Variants in RETREG1 observed in about 807,000 individuals in gnomAD.
RETREG1 encodes reticulophagy regulator 1.
A neutral mutation model predicts 54.8 loss-of-function variants in RETREG1; 44 were observed. The ratio of observed to expected loss-of-function variants is 0.80; its 90% CI spans 0.63 to 1.03. The LOEUF (loss-of-function observed/expected upper bound fraction) is 1.03. Among genes scored for constraint, RETREG1 ranks in the 50% least tolerant of loss-of-function variants. The probability of loss-of-function intolerance (pLI) is 0.00; values close to 1 mark genes in which losing one functional copy is unlikely to be tolerated. For missense variants in RETREG1, 554 were observed against 605.1 expected, an observed-to-expected ratio of 0.92 and a Z score of 0.89; for synonymous variants, 217 against 238.5, an observed-to-expected ratio of 0.91 and a Z score of 0.83.
intron 3 of RETREG1, among the ~76,000 whole-genome samples, chr5:16,539,668 G>A (rs774883708): frequency 3.9e-5 from 6 of 152,108 alleles, no homozygotes; most frequent in Non-Finnish European, 7.4e-5. Context: ...CAACTGTCCC[G>A]GTACCGGGGC....
intron 3 of RETREG1, among the ~76,000 whole-genome samples, chr5:16,491,957 G>C (rs955221649): frequency 6.6e-6 from 1 of 152,094 alleles, no homozygotes; most frequent in Non-Finnish European, 1.5e-5. Flanking sequence ...GATTTCTGCG[G>C]GCAAAACTTG....
chr5:16,606,503 T>A (rs1561137762), intron 1 of RETREG1, among the ~76,000 whole-genome samples: 1 of 152,144 alleles, frequency 6.6e-6, no homozygotes, highest in Admixed American at 6.6e-5. Context: ...ATAATTCACC[T>A]GGTAAGCTAC....
chr5:16,527,888 C>A (rs1489177762), intron 3 of RETREG1, among the ~76,000 whole-genome samples: 1 of 141,468 alleles, frequency 7.1e-6, no homozygotes, highest in Admixed American at 7.5e-5. Flanking sequence ...CGGCTCACTG[C>A]AAGCTCCGCC....
intron 1 of RETREG1, among the ~76,000 whole-genome samples, chr5:16,574,199 G>A: frequency 2.1e-5 from 1 of 47,504 alleles, no homozygotes; most frequent in East Asian, 4.9e-4. Context: ...AAGTAATCTG[G>A]GGTGCCTCAG....
chr5:16,534,745 C>T (rs926024637), intron 3 of RETREG1, among the ~76,000 whole-genome samples: 2 of 152,158 alleles, frequency 1.3e-5, no homozygotes, highest in African/African-American at 2.4e-5. Context: ...AAGAGAAGCC[C>T]CCCTCAGAAT....
chr5:16,590,329 G>T (rs1742730236), intron 1 of RETREG1, among the ~76,000 whole-genome samples: 1 of 152,146 alleles, frequency 6.6e-6, no homozygotes, highest in Non-Finnish European at 1.5e-5. Context: ...AAAGCCCAGA[G>T]GCTACGCACC....
intron 3 of RETREG1, among the ~76,000 whole-genome samples, chr5:16,535,972 C>T (rs1045844940): frequency 1.3e-5 from 2 of 150,090 alleles, no homozygotes; most frequent in Non-Finnish European, 3.0e-5. Flanking sequence ...CCTGTGTGCA[C>T]GCTGCCTTCA....
intron 1 of RETREG1, among the ~76,000 whole-genome samples, chr5:16,611,591 CACACAAAGATTTCT>C (rs1743343713): frequency 6.6e-6 from 1 of 152,218 alleles, no homozygotes; most frequent in Non-Finnish European, 1.5e-5. Flanking sequence ...ACAGACACTT[CACACAAAGATTTCT>C]ACGTGATGTT....
chr5:16,613,928 T>G (rs900700462), intron 1 of RETREG1, among the ~76,000 whole-genome samples: 11 of 152,218 alleles, frequency 7.2e-5, no homozygotes, highest in Non-Finnish European at 1.5e-4. Flanking sequence ...AAACAAAATT[T>G]TAATGACATT....
intron 3 of RETREG1, among the ~76,000 whole-genome samples, chr5:16,538,253 C>A (rs143655760): frequency 1.4e-3 from 214 of 152,288 alleles, no homozygotes; most frequent in African/African-American, 5.0e-3. Flanking sequence ...AAATGAAGAG[C>A]TGGCTTTGGA....
chr5:16,507,709 T>C (rs1579624749), intron 3 of RETREG1, among the ~76,000 whole-genome samples: 1 of 152,310 alleles, frequency 6.6e-6, no homozygotes, highest in Admixed American at 6.5e-5. Context: ...CATATACCCA[T>C]GGCTGAAAGG....
At chr5:16,514,216 A>C (rs1740273208) in intron 3 of RETREG1, among the ~76,000 whole-genome samples, 1 of 152,188 alleles carries the variant, frequency 6.6e-6, no homozygotes, top group Non-Finnish European at 1.5e-5. Flanking sequence ...CCTAGAGCTC[A>C]AGGCTCTCTA....
intron 4 of RETREG1, among the ~76,000 whole-genome samples, chr5:16,482,002 C>T (rs1304589490): frequency 6.6e-6 from 1 of 151,990 alleles, no homozygotes; most frequent in African/African-American, 2.4e-5. Context: ...GGAATACATA[C>T]CTCTGACCAA....
At chr5:16,508,469 T>C (rs1740047690) in intron 3 of RETREG1, 1 of 1,094,692 alleles carries the variant, frequency 9.1e-7, no homozygotes, top group Admixed American at 1.9e-5. Flanking sequence ...GCATTCTTCA[T>C]ATTTTTACAT....
At chr5:16,513,198 A>G (rs1740236004) in intron 3 of RETREG1, among the ~76,000 whole-genome samples, 1 of 152,234 alleles carries the variant, frequency 6.6e-6, no homozygotes, top group Admixed American at 6.5e-5. Flanking sequence ...ACCAGAAGAC[A>G]GGGAATCATG....
intron 2 of RETREG1, 50 bp downstream of exon 2, chr5:16,571,946 C>A: frequency 7.3e-7 from 1 of 1,369,376 alleles, no homozygotes; most frequent in Non-Finnish European, 1.0e-6. Flanking sequence ...ATCAGAAATG[C>A]AGGGTCTAGA....
At chr5:16,600,621 GA>G (rs1743028117) in intron 1 of RETREG1, among the ~76,000 whole-genome samples, 1 of 152,056 alleles carries the variant, frequency 6.6e-6, no homozygotes, top group East Asian at 1.9e-4. Context: ...TCAGCATGCT[GA>G]TGACCCACAG....
At chr5:16,574,942 G>A (rs1242944241) in intron 1 of RETREG1, among the ~76,000 whole-genome samples, 1 of 152,136 alleles carries the variant, frequency 6.6e-6, no homozygotes, top group East Asian at 1.9e-4. Context: ...GCCACCACTT[G>A]CTCTATTTTT....
chr5:16,592,824 A>G (rs1408104167), intron 1 of RETREG1, among the ~76,000 whole-genome samples: 2 of 152,162 alleles, frequency 1.3e-5, no homozygotes, highest in African/African-American at 2.4e-5. Context: ...GTTCTCACTT[A>G]TAAGTGGGAG....
Sources: allele counts gnomAD v4.1 joint callset (sites outside exome capture counted in the v4.1 genomes callset), GRCh38; gene constraint gnomAD v4.1.1; transcripts MANE v1.5; gene names NCBI Gene and HGNC (gene_info 2026-07-23, HGNC 2026-07-21).